The following GPR39 variants were observed in gnomAD, a reference collection of about 807,000 sequenced individuals.
The protein encoded by GPR39 is G protein-coupled receptor 39, also known as zinc sensing receptor.
Under a neutral mutation model 18.4 loss-of-function variants are expected in GPR39, and 23 were observed. The ratio of observed to expected loss-of-function variants is 1.25; its 90% CI spans 0.90 to 1.77. The LOEUF (loss-of-function observed/expected upper bound fraction) is 1.77, where lower values mean the gene tolerates loss of function less well. GPR39 is among the 40% of genes most tolerant of loss of function. GPR39 has a pLI of 0.00. For missense variants in GPR39, 647 were observed against 602.4 expected (o/e 1.07, Z -0.78); for synonymous variants, 280 against 257.9 (o/e 1.09, Z -0.82).
intron 1 of GPR39, among the ~76,000 whole-genome samples, chr2:132,537,863 C>T (rs1239324790): frequency 2.0e-5 from 3 of 151,812 alleles, no homozygotes; most frequent in East Asian, 1.9e-4. Context: ...GTATGCTTCA[C>T]GAAGTTCTGG....
intron 1 of GPR39, among the ~76,000 whole-genome samples, chr2:132,571,446 T>G (rs1197164908): frequency 6.6e-6 from 1 of 152,128 alleles, no homozygotes; most frequent in African/African-American, 2.4e-5. Context: ...GACTAGAAAA[T>G]CAGGGGTTAA....
intron 1 of GPR39, among the ~76,000 whole-genome samples, chr2:132,593,289 T>A (rs1198682741): frequency 6.6e-6 from 1 of 152,088 alleles, no homozygotes; most frequent in East Asian, 1.9e-4. Context: ...GCTCCCCTCC[T>A]CTCCCTCCTA....
intron 1 of GPR39, among the ~76,000 whole-genome samples, chr2:132,561,389 G>C (rs890517222): frequency 6.6e-6 from 1 of 152,064 alleles, no homozygotes; most frequent in Non-Finnish European, 1.5e-5. Flanking sequence ...CCATGGTCCT[G>C]GCTCCTGCCC....
At chr2:132,552,848 A>G (rs1235233838) in intron 1 of GPR39, among the ~76,000 whole-genome samples, 2 of 145,572 alleles carry the variant, frequency 1.4e-5, no homozygotes, top group Non-Finnish European at 3.0e-5. Context: ...ATATATATAC[A>G]CACATATATA....
At chr2:132,496,747 G>A (rs1015271138) in intron 1 of GPR39, among the ~76,000 whole-genome samples, 2 of 152,230 alleles carry the variant, frequency 1.3e-5, no homozygotes, top group Non-Finnish European at 2.9e-5. Flanking sequence ...TGGGCTGCCT[G>A]TGCAGTGCTG....
chr2:132,526,284 AC>A (rs1679507040), intron 1 of GPR39, among the ~76,000 whole-genome samples: 1 of 152,110 alleles, frequency 6.6e-6, no homozygotes, highest in Admixed American at 6.5e-5. Context: ...CAGATATTTG[AC>A]CCCAAAAGTT....
At chr2:132,584,918 T>A (rs1680697894) in intron 1 of GPR39, among the ~76,000 whole-genome samples, 1 of 152,196 alleles carries the variant, frequency 6.6e-6, no homozygotes, top group Non-Finnish European at 1.5e-5. Context: ...GAGACACTGA[T>A]TTCCACAGAT....
intron 1 of GPR39, among the ~76,000 whole-genome samples, chr2:132,612,649 T>A (rs1573698014): frequency 1.3e-5 from 2 of 152,244 alleles, no homozygotes; most frequent in Admixed American, 1.3e-4. Context: ...TCAGGTGACC[T>A]TATATGTACA....
chr2:132,493,244 C>CAT (rs1427832230), intron 1 of GPR39, among the ~76,000 whole-genome samples: 2 of 137,968 alleles, frequency 1.4e-5, no homozygotes, highest in Non-Finnish European at 3.1e-5. Flanking sequence ...ATATATACAC[C>CAT]ATATATACAC....
chr2:132,509,969 G>T (rs1679210874), intron 1 of GPR39, among the ~76,000 whole-genome samples: 1 of 152,150 alleles, frequency 6.6e-6, no homozygotes, highest in South Asian at 2.1e-4. Context: ...CATGGGTGCA[G>T]ATGGCATAAA....
rs372978368 is a variant in GPR39, at chr2:132,417,570, T to G, written c.528T>G (p.Thr176=). The change falls in exon 1 of 2, where the codon ACT becomes ACG. Residue 176 remains threonine, a synonymous_variant. Coordinates refer to ENST00000329321, the MANE Select transcript of GPR39 (RefSeq NM_001508.3). The part of the protein sequence containing the change: ...VALPLLFAMG[T]EYPLVNVPSH... ...TGCCCTTGCTGTTTGCCATGGGTACTGAGTACCCCCTGGTGAACGTGCCCA... is the reference window on the plus strand; with the variant it reads ...TGCCCTTGCTGTTTGCCATGGGTACGGAGTACCCCCTGGTGAACGTGCCCA... 4 of 1,614,042 alleles carry G rather than the reference T, an allele frequency of 2.5e-6. No homozygotes were observed. The highest frequency in any genetic ancestry group is 3.4e-6 in the Non-Finnish European group (4 of 1,180,038).
chr2:132,506,089 T>A (rs1679129886), intron 1 of GPR39, among the ~76,000 whole-genome samples: 1 of 152,216 alleles, frequency 6.6e-6, no homozygotes, highest in African/African-American at 2.4e-5. Context: ...ATAATAGCCA[T>A]TTTAACTAGA....
At chr2:132,505,188 A>G (rs73001238) in intron 1 of GPR39, among the ~76,000 whole-genome samples, 17,790 of 152,264 alleles carry the variant, frequency 0.12, 1,103 homozygotes, top group East Asian at 0.17. Context: ...GCAGTAGGAC[A>G]GGGCATCACA....
intron 1 of GPR39, among the ~76,000 whole-genome samples, chr2:132,609,496 G>C (rs140770170): frequency 1.4e-4 from 22 of 152,312 alleles, no homozygotes; most frequent in African/African-American, 3.1e-4. Context: ...AACTGGGGTT[G>C]AGTTGAACTC....
At chr2:132,454,187 G>C (rs1397782302) in intron 1 of GPR39, among the ~76,000 whole-genome samples, 1 of 152,088 alleles carries the variant, frequency 6.6e-6, no homozygotes, top group Admixed American at 6.5e-5. Flanking sequence ...TCCTTGAAGA[G>C]GTCCTTCACA....
intron 1 of GPR39, among the ~76,000 whole-genome samples, chr2:132,446,684 A>G (rs1169804389): frequency 2.0e-5 from 3 of 152,130 alleles, no homozygotes; most frequent in African/African-American, 7.2e-5. Flanking sequence ...AAGGTGGGAT[A>G]GGGGCAGCAA....
intron 1 of GPR39, among the ~76,000 whole-genome samples, chr2:132,464,382 AATCTCAGGAGG>A (rs2104778945): frequency 1.3e-5 from 2 of 152,298 alleles, no homozygotes; most frequent in East Asian, 3.9e-4. Flanking sequence ...TGGGAACTTG[AATCTCAGGAGG>A]ATCCCAGTAT....
At chr2:132,632,331 G>A (rs1681665286) in intron 1 of GPR39, among the ~76,000 whole-genome samples, 1 of 152,110 alleles carries the variant, frequency 6.6e-6, no homozygotes, top group Non-Finnish European at 1.5e-5. Flanking sequence ...TCCCTTACAA[G>A]TAAAAAGGCC....
chr2:132,561,752 A>G (rs1009834236), intron 1 of GPR39, among the ~76,000 whole-genome samples: 1 of 152,154 alleles, frequency 6.6e-6, no homozygotes, highest in Non-Finnish European at 1.5e-5. Context: ...CTGACGGTAT[A>G]AGTTCCAGAC....
Sources: gnomAD v4.1 joint callset for allele counts (sites outside exome capture counted in the v4.1 genomes callset) on GRCh38, gnomAD v4.1.1 for gene constraint, MANE v1.5 for transcripts, NCBI Gene and HGNC (gene_info 2026-07-23, HGNC 2026-07-21) for gene names.